ERCC6L2: variants seen among roughly 807,000 people sequenced by gnomAD.
ERCC6L2 encodes ERCC excision repair 6 like 2.
A neutral mutation model predicts 132.0 loss-of-function variants in ERCC6L2; 77 were observed. The ratio of observed to expected loss-of-function variants is 0.58; its 90% confidence interval spans 0.49 to 0.71. The LOEUF is 0.71. Ranked by LOEUF, ERCC6L2 falls within the 30% of genes least tolerant of loss-of-function variation. The probability of loss-of-function intolerance (pLI) is 0.00; values close to 1 mark genes in which losing one functional copy is unlikely to be tolerated. For missense variants in ERCC6L2, 1,542 were observed against 1,837.6 expected, an observed-to-expected ratio of 0.84 and a Z score of 2.94; for synonymous variants, 583 against 632.4, an observed-to-expected ratio of 0.92 and a Z score of 1.17.
At chr9:95,955,221 C>G (rs1208263732) in intron 12 of ERCC6L2, among the ~76,000 whole-genome samples, 1 of 152,192 alleles carries the variant, frequency 6.6e-6, no homozygotes, top group Non-Finnish European at 1.5e-5. Context: ...CTGAGTGATT[C>G]AGTCAGATCC....
chr9:95,991,261 CTAG>C (rs1447950862), intron 17 of ERCC6L2, among the ~76,000 whole-genome samples: 1 of 152,084 alleles, frequency 6.6e-6, no homozygotes, highest in African/African-American at 2.4e-5. Flanking sequence ...TTCTATATCA[CTAG>C]TAGTTAATGG....
In ERCC6L2 at chr9:95,915,730, T is replaced by G. The variant is rs768224157; in HGVS notation, c.851T>G (p.Val284Gly). Reference protein sequence around the residue: ...AHRIKNPKARVTEVMKALKCN... With the variant: ...AHRIKNPKARGTEVMKALKCN... ...AGAATCAAGAATCCAAAAGCTAGAG[T>G]AACAGAAGTTATGAAAGCTTTGAAA... Residue 284 changes from valine (V) to glycine (G), a missense_variant, in exon 5 of 19, where the codon GTA becomes GGA. Around this residue, in one of 4 missense-constraint regions of ERCC6L2, gnomAD observed 945 missense variants for 1,105.2 expected, o/e 0.86. Transcript: ENST00000653738. 2 of 1,613,938 alleles carry G rather than the reference T, an allele frequency of 1.2e-6. No individual in the cohort carries two copies. The highest frequency in any genetic ancestry group is 2.7e-5 in the African/African-American group (2 of 75,036).
At chr9:96,001,131 T>C (rs958193494) in intron 17 of ERCC6L2, among the ~76,000 whole-genome samples, 1 of 151,868 alleles carries the variant, frequency 6.6e-6, no homozygotes, top group Non-Finnish European at 1.5e-5. Context: ...GGCTCAGGAG[T>C]GAAGCTGCAG....
At chr9:95,989,860 A>G (rs1833231265) in intron 17 of ERCC6L2, among the ~76,000 whole-genome samples, 1 of 152,244 alleles carries the variant, frequency 6.6e-6, no homozygotes, top group South Asian at 2.1e-4. Context: ...AGAGTATGCA[A>G]GGGAAGTCTT....
chr9:96,038,242 G>A (rs879366139), intron 19 of ERCC6L2, among the ~76,000 whole-genome samples: 3 of 152,216 alleles, frequency 2.0e-5, no homozygotes, highest in Admixed American at 2.0e-4. Context: ...GAGGCAGGAA[G>A]GCAGAGCCAG....
At chr9:95,961,304 G>A (rs1474190189) in intron 13 of ERCC6L2, among the ~76,000 whole-genome samples, 1 of 152,126 alleles carries the variant, frequency 6.6e-6, no homozygotes, top group Non-Finnish European at 1.5e-5. Flanking sequence ...CAGAGGAAGA[G>A]CACCATGTGA....
In ERCC6L2 at chr9:95,907,083, C is replaced by G. The variant is rs1829076787; in HGVS notation, c.600C>G (p.Phe200Leu). The G allele has an allele frequency of 6.3e-7, 1 of 1,595,578 alleles. No individual in the cohort carries two copies. Residue 200 changes from phenylalanine to leucine, a missense_variant, in exon 4 of 19, where the codon TTC becomes TTG. Phe to Leu is a conservative substitution (Grantham distance 22, BLOSUM62 0). Transcript: ENST00000653738. ...EPLSSTAKKM[F>L]LIVAPLSVLY... ...TTTTTTTATTCTTGTTTTAGATGTTCTTAATAGTTGCTCCTCTTTCTGTCC... is the reference window on the plus strand; with the variant it reads ...TTTTTTTATTCTTGTTTTAGATGTTGTTAATAGTTGCTCCTCTTTCTGTCC...
chr9:95,985,355 C>T (rs934886353), intron 17 of ERCC6L2, among the ~76,000 whole-genome samples: 5 of 152,198 alleles, frequency 3.3e-5, no homozygotes, highest in African/African-American at 1.2e-4. Flanking sequence ...GGAAGTACTG[C>T]GTGAGGCCAG....
chr9:95,965,443 A>G (rs1832108557), intron 13 of ERCC6L2, among the ~76,000 whole-genome samples: 1 of 152,212 alleles, frequency 6.6e-6, no homozygotes, highest in Non-Finnish European at 1.5e-5. Flanking sequence ...ATTAACAAGA[A>G]TTTTAATTGC....
At chr9:95,980,794 CAA>C (rs955868718) in intron 17 of ERCC6L2, among the ~76,000 whole-genome samples, 1 of 152,088 alleles carries the variant, frequency 6.6e-6, no homozygotes, top group African/African-American at 2.4e-5. Context: ...GAAGCAAGAA[CAA>C]AAGAGACTCA....
At chr9:95,909,898 A>G (rs1829262632) in intron 4 of ERCC6L2, among the ~76,000 whole-genome samples, 1 of 152,192 alleles carries the variant, frequency 6.6e-6, no homozygotes, top group Non-Finnish European at 1.5e-5. Flanking sequence ...TCCAGCTAGC[A>G]ATGTGTGAGA....
intron 11 of ERCC6L2, among the ~76,000 whole-genome samples, chr9:95,931,540 G>T (rs1052444664): frequency 2.0e-5 from 3 of 152,166 alleles, no homozygotes; most frequent in Non-Finnish European, 4.4e-5. Flanking sequence ...TTCTGCATCT[G>T]TAAATACAGA....
intron 3 of ERCC6L2, among the ~76,000 whole-genome samples, chr9:95,900,101 T>C (rs1828691139): frequency 6.6e-6 from 1 of 152,114 alleles, no homozygotes; most frequent in African/African-American, 2.4e-5. Context: ...AAGTGTTCCT[T>C]TGGGCCAGGC....
intron 2 of ERCC6L2, among the ~76,000 whole-genome samples, chr9:95,896,511 T>A (rs1366542207): frequency 6.6e-6 from 1 of 151,748 alleles, no homozygotes; most frequent in Non-Finnish European, 1.5e-5. Context: ...AGCCTCATTC[T>A]CCTAGGCTCA....
intron 2 of ERCC6L2, among the ~76,000 whole-genome samples, chr9:95,887,103 C>T (rs973914045): frequency 3.9e-5 from 6 of 151,930 alleles, no homozygotes; most frequent in African/African-American, 1.5e-4. Flanking sequence ...TAGTTCTGTC[C>T]CTCTAGAGAA....
intron 13 of ERCC6L2, among the ~76,000 whole-genome samples, chr9:95,965,627 T>C (rs1564269379): frequency 6.6e-6 from 1 of 152,086 alleles, no homozygotes; most frequent in Admixed American, 6.6e-5. Flanking sequence ...TGCCTCAGCC[T>C]CCCGAGTAGC....
chr9:95,942,887 A>T (rs1034934348), intron 12 of ERCC6L2, among the ~76,000 whole-genome samples: 1 of 152,188 alleles, frequency 6.6e-6, no homozygotes, highest in Non-Finnish European at 1.5e-5. Flanking sequence ...TTCCAAAGTG[A>T]GAAACAGGGA....
rs548605449 is a variant in ERCC6L2, at chr9:96,016,031, A to G, written c.*2828A>G. The stretch of plus-strand genomic sequence containing the variant: ...AGTGATGGAAAGATTTGGTACAACC[A>G]TTGATGACCTGAGAACAGACACTAG... On this transcript the variant is annotated 3_prime_UTR_variant, in exon 19 of 19. Coordinates refer to ENST00000653738, the MANE Select transcript of ERCC6L2 (RefSeq NM_020207.7). 3.3e-5 allele frequency among the ~76,000 whole-genome samples: 5 copies of G among 152,294 alleles called. No homozygotes were observed. In the East Asian group the frequency reaches 9.7e-4, roughly 29 times the overall value.
intron 3 of ERCC6L2, among the ~76,000 whole-genome samples, chr9:95,899,775 TGCA>T: frequency 6.6e-6 from 1 of 152,134 alleles, no homozygotes; most frequent in South Asian, 2.1e-4. Context: ...ATAGTGTATT[TGCA>T]TATAACCTGT....
Sources: gnomAD v4.1 joint callset for allele counts (sites outside exome capture counted in the v4.1 genomes callset) on GRCh38, gnomAD v4.1.1 for gene constraint, gnomAD v4.1.1 regional missense constraint, MANE v1.5 for transcripts, NCBI Gene and HGNC (gene_info 2026-07-23, HGNC 2026-07-21) for gene names.